Variants in GALNTL6 observed in about 807,000 individuals in gnomAD.
GALNTL6 encodes the protein polypeptide N-acetylgalactosaminyltransferase like 6, also known as polypeptide N-acetylgalactosaminyltransferase-like 6.
A neutral mutation model predicts 73.7 loss-of-function variants in GALNTL6; 46 were observed. The ratio of observed to expected loss-of-function variants is 0.62; its 90% CI spans 0.49 to 0.80. The LOEUF (loss-of-function observed/expected upper bound fraction) is 0.80, where lower values mean the gene tolerates loss of function less well. Ranked by LOEUF, GALNTL6 falls within the 30% of genes least tolerant of loss-of-function variation. The pLI, the probability that GALNTL6 is intolerant of heterozygous loss-of-function variation, is 0.00. For synonymous variants in GALNTL6, 259 were observed against 263.7 expected (o/e 0.98, Z 0.17); for missense variants, 604 against 755.0 (o/e 0.80, Z 2.34).
At chr4:172,199,278 A>T (rs942090583) in intron 2 of GALNTL6, among the ~76,000 whole-genome samples, 1 of 152,134 alleles carries the variant, frequency 6.6e-6, no homozygotes. Flanking sequence ...TTTTTGTGGA[A>T]TTTTTTTAGT....
intron 8 of GALNTL6, among the ~76,000 whole-genome samples, chr4:172,887,259 T>C (rs57440204): frequency 0.03 from 4,537 of 152,278 alleles, 184 homozygotes; most frequent in African/African-American, 0.085. Flanking sequence ...GTTGATTCCA[T>C]GTATTTGTTA....
At chr4:172,837,518 G>C (rs1297573478) in intron 7 of GALNTL6, among the ~76,000 whole-genome samples, 1 of 152,164 alleles carries the variant, frequency 6.6e-6, no homozygotes, top group Admixed American at 6.5e-5. Flanking sequence ...TAGTCTCAAA[G>C]TGTATTTCCT....
chr4:172,747,772 C>T (rs1737190029), intron 5 of GALNTL6, among the ~76,000 whole-genome samples: 1 of 149,026 alleles, frequency 6.7e-6, no homozygotes, highest in South Asian at 2.2e-4. Flanking sequence ...CCCAAATATC[C>T]ATCAAATGAT....
chr4:172,261,898 G>C (rs1319163494), intron 3 of GALNTL6, among the ~76,000 whole-genome samples: 2 of 151,208 alleles, frequency 1.3e-5, no homozygotes, highest in Non-Finnish European at 3.0e-5. Context: ...ATAATCTGCT[G>C]TTATGTTACC....
chr4:172,828,998 T>A (rs1742467769), intron 7 of GALNTL6, among the ~76,000 whole-genome samples: 1 of 152,122 alleles, frequency 6.6e-6, no homozygotes, highest in Admixed American at 6.5e-5. Flanking sequence ...TGGGGAAGGA[T>A]CTGTTCCAAG....
At chr4:172,370,123 G>A (rs1471774164) in intron 5 of GALNTL6, among the ~76,000 whole-genome samples, 1 of 152,186 alleles carries the variant, frequency 6.6e-6, no homozygotes, top group Non-Finnish European at 1.5e-5. Flanking sequence ...AAGGGGCCCT[G>A]CAGTTGTAGT....
chr4:172,622,171 A>T (rs1380262143), intron 5 of GALNTL6, among the ~76,000 whole-genome samples: 1 of 152,226 alleles, frequency 6.6e-6, no homozygotes, highest in Non-Finnish European at 1.5e-5. Flanking sequence ...GTTATGAAAA[A>T]TAGTCCAGTT....
In GALNTL6 at chr4:172,797,111, G is replaced by A. The variant is rs186653102; in HGVS notation, c.554-12250G>A. Among the ~76,000 whole-genome samples, 155 of 152,130 alleles carry A rather than the reference G, an allele frequency of 1.0e-3. 1 individual carries two copies. The South Asian group carries it at 0.022, about 22-fold the overall frequency. ...GAAAAAAACTGAAGAAAAATAATAC[G>A]GCCATTAGCATGCATGAGTCAGATA... On this transcript the variant is annotated intron_variant, in intron 5 of 12. Transcript: ENST00000506823.
chr4:172,326,042 G>A (rs1428489357), intron 4 of GALNTL6, among the ~76,000 whole-genome samples: 1 of 151,732 alleles, frequency 6.6e-6, no homozygotes, highest in Non-Finnish European at 1.5e-5. Context: ...ATCATTAACA[G>A]AGGGATAACA....
chr4:172,051,713 C>T (rs1005783139), intron 2 of GALNTL6, among the ~76,000 whole-genome samples: 17 of 152,198 alleles, frequency 1.1e-4, no homozygotes, highest in South Asian at 6.2e-4. Context: ...GGGAGCATGG[C>T]GGGCCAAAAG....
intron 3 of GALNTL6, among the ~76,000 whole-genome samples, chr4:172,283,960 G>C (rs994674047): frequency 6.6e-6 from 1 of 151,988 alleles, no homozygotes; most frequent in Admixed American, 6.6e-5. Context: ...ATAAATTAAC[G>C]TATAAACTAA....
intron 8 of GALNTL6, among the ~76,000 whole-genome samples, chr4:172,914,339 A>G (rs1412638393): frequency 6.6e-6 from 1 of 152,218 alleles, no homozygotes; most frequent in Non-Finnish European, 1.5e-5. Flanking sequence ...AATTGCGTCA[A>G]CTAATGAGCA....
intron 5 of GALNTL6, among the ~76,000 whole-genome samples, chr4:172,740,403 A>T (rs2111416934): frequency 6.6e-6 from 1 of 152,324 alleles, no homozygotes; most frequent in Non-Finnish European, 1.5e-5. Flanking sequence ...GTGAAAAGTC[A>T]TCGTGTTGTT....
At chr4:172,831,990 C>G (rs1579540875) in intron 7 of GALNTL6, among the ~76,000 whole-genome samples, 1 of 152,202 alleles carries the variant, frequency 6.6e-6, no homozygotes, top group East Asian at 1.9e-4. Context: ...GCCACCAGCT[C>G]TATGGTACTT....
At chr4:172,851,429 CAT>C (rs1011740721) in intron 7 of GALNTL6, among the ~76,000 whole-genome samples, 43 of 122,288 alleles carry the variant, frequency 3.5e-4, no homozygotes, top group African/African-American at 1.0e-3. Context: ...CACACACACA[CAT>C]ATATATATCA....
intron 5 of GALNTL6, among the ~76,000 whole-genome samples, chr4:172,446,844 T>C (rs1732040820): frequency 6.6e-6 from 1 of 152,182 alleles, no homozygotes; most frequent in Non-Finnish European, 1.5e-5. Context: ...AGATGTCTAT[T>C]GTTTTGCAAC....
chr4:171,986,037 CAAAA>C (rs10686994), intron 2 of GALNTL6, among the ~76,000 whole-genome samples: 1 of 82,126 alleles, frequency 1.2e-5, no homozygotes. Context: ...GACTCTGTCT[CAAAA>C]AAAAAAAAAA....
At chr4:172,612,044 T>G (rs1346566319) in intron 5 of GALNTL6, among the ~76,000 whole-genome samples, 2 of 151,992 alleles carry the variant, frequency 1.3e-5, no homozygotes, top group East Asian at 3.9e-4. Flanking sequence ...TTTGAAAAAG[T>G]AGGAGGAAGA....
At chr4:171,878,686 A>G (rs1053500919) in intron 2 of GALNTL6, among the ~76,000 whole-genome samples, 1 of 152,174 alleles carries the variant, frequency 6.6e-6, no homozygotes, top group Non-Finnish European at 1.5e-5. Flanking sequence ...ACATAAAGAA[A>G]TGATCGATGG....
Sources: allele counts gnomAD v4.1 joint callset (sites outside exome capture counted in the v4.1 genomes callset), GRCh38; gene constraint gnomAD v4.1.1; transcripts MANE v1.5; gene names NCBI Gene and HGNC (gene_info 2026-07-23, HGNC 2026-07-21).